Variants in CPA1 observed in about 807,000 individuals in gnomAD.
CPA1 encodes the protein carboxypeptidase A1 (pancreatic).
CPA1 carries 42 observed loss-of-function variants against 48.7 expected under a neutral mutation model. The observed-to-expected ratio is 0.86, with a 90% CI of 0.67 to 1.11. CPA1 has a LOEUF of 1.11. CPA1 is among the 50% of genes most tolerant of loss of function. CPA1 has a pLI of 0.00. For missense variants in CPA1, 477 were observed against 544.7 expected (o/e 0.88, Z 1.24); for synonymous variants, 203 against 217.9 (o/e 0.93, Z 0.60).
intron 6 of CPA1, 98 bp downstream of exon 6, chr7:130,383,892 G>T (rs1796438998): frequency 1.1e-6 from 1 of 909,640 alleles, no homozygotes; most frequent in East Asian, 2.4e-5. Context: ...CAGAAGTCAA[G>T]GGAGGGGCAA....
chr7:130,385,736 A>G (rs1164670580), intron 8 of CPA1, 103 bp from the exon 9 acceptor site: 3 of 850,416 alleles, frequency 3.5e-6, no homozygotes, highest in African/African-American at 1.7e-5. Flanking sequence ...CCACTTCTGC[A>G]GGGTGCTTCT....
chr7:130,382,274 TG>T, intron 4 of CPA1, 65 bp downstream of exon 4: 1 of 1,259,358 alleles, frequency 7.9e-7, no homozygotes. Context: ...GTGATGGGCG[TG>T]GGCTCTCCCG....
Position 130,383,451 on chromosome 7 carries a change from G to T in CPA1, c.544G>T (p.Glu182Ter). ...IWIDTGIHSR[E>*]WVTQASGVWF... ...GATCGACACGGGCATCCATTCCCGG[G>T]AGTGGGTCACCCAGGCCAGTGGGGT... is the stretch of plus-strand genomic sequence containing the variant. The change falls in exon 5 of 10, where the codon GAG becomes TAG. Residue 182 changes from glutamate to a stop codon, truncating the protein, a stop_gained. Transcript: ENST00000011292. LOFTEE classifies it high-confidence loss of function. The T allele has an allele frequency of 6.2e-7, 1 of 1,614,198 alleles. No homozygotes were observed. Among genetic ancestry groups the T allele is most frequent in the Non-Finnish European group, 8.5e-7 (1 of 1,180,042 alleles).
rs782582120 is a variant in CPA1 at position 130,384,540 on chromosome 7, G to A, written c.701G>A (p.Arg234His). The change falls in exon 7 of 10, where the codon CGC becomes CAC. Residue 234 changes from arginine to histidine, a missense_variant. Coordinates refer to ENST00000011292, the MANE Select transcript of CPA1 (RefSeq NM_001868.4). ...TGATCCCATTTCCTTCCTCAGAATC[G>A]CATGTGGCGCAAGACTCGGTCCCAC... is the stretch of plus-strand genomic sequence containing the variant. Reference protein sequence around the residue: ...DGFAFTHSTNRMWRKTRSHTA... With the variant: ...DGFAFTHSTNHMWRKTRSHTA... 8 of 1,614,054 alleles carry A rather than the reference G, an allele frequency of 5.0e-6. No homozygotes were observed. Among genetic ancestry groups the A allele is most frequent in the Non-Finnish European group, 6.8e-6 (8 of 1,179,942 alleles).
chr7:130,385,061 ACCC>A, intron 7 of CPA1, 82 bp from the exon 8 acceptor site: 1 of 1,375,502 alleles, frequency 7.3e-7, no homozygotes, highest in Non-Finnish European at 1.0e-6. Flanking sequence ...ATACCACCTC[ACCC>A]CCAACTCCAT....
At chr7:130,380,625 T>C in intron 1 of CPA1, 40 bp downstream of exon 1, 4 of 1,146,904 alleles carry the variant, frequency 3.5e-6, no homozygotes, top group Non-Finnish European at 4.6e-6. Context: ...CTGAGGGTGA[T>C]GGGGAGGACT....
In CPA1 at chr7:130,383,374, C is replaced by A; in HGVS notation, c.484-17C>A. The stretch of plus-strand genomic sequence containing the variant: ...GCTGTGAAATTGCCTCTGATCACTC[C>A]CCTGCCTCCTCTCCAGTTCAGCACG... On this transcript the variant is annotated splice_polypyrimidine_tract_variant and intron_variant, in intron 4 of 9. Transcript: ENST00000011292. 1.2e-6 allele frequency: 2 copies of A among 1,609,774 alleles called. No individual in the cohort carries two copies. Among genetic ancestry groups the A allele is most frequent in the South Asian group, 2.2e-5 (2 of 90,562 alleles).
intron 9 of CPA1, among the ~76,000 whole-genome samples, chr7:130,386,571 C>T (rs992081909): frequency 2.0e-5 from 3 of 152,062 alleles, no homozygotes; most frequent in Admixed American, 6.6e-5. Context: ...TCCAGTGCCC[C>T]TCAATTAGAC....
chr7:130,385,692 A>T, intron 8 of CPA1, 147 bp from the exon 9 acceptor site: 1 of 655,036 alleles, frequency 1.5e-6, no homozygotes, highest in Non-Finnish European at 2.7e-6. Context: ...CTGAGCTTCC[A>T]GGCTAAGCAG....
chr7:130,385,105 G>A (rs782718443), intron 7 of CPA1, 41 bp from the exon 8 acceptor site: 2 of 1,597,194 alleles, frequency 1.3e-6, no homozygotes, highest in Non-Finnish European at 1.7e-6. Flanking sequence ...AGCCACAGAA[G>A]CTGGAGGAGC....
chr7:130,382,844 C>A (rs782163635), intron 4 of CPA1, among the ~76,000 whole-genome samples: 8 of 151,446 alleles, frequency 5.3e-5, no homozygotes, highest in Admixed American at 3.3e-4. Context: ...AGGGTTTCAC[C>A]GTATTAGCCA....
intron 3 of CPA1, 109 bp downstream of exon 3, chr7:130,381,972 C>T (rs1796412481): frequency 4.1e-6 from 5 of 1,212,782 alleles, no homozygotes; most frequent in East Asian, 2.5e-5. Flanking sequence ...GCAGCGCCTG[C>T]TCTGTTTCCA....
chr7:130,383,079 C>G (rs948263428), intron 4 of CPA1, among the ~76,000 whole-genome samples: 1 of 152,230 alleles, frequency 6.6e-6, no homozygotes, highest in Non-Finnish European at 1.5e-5. Flanking sequence ...CCACGCCCAA[C>G]CCAGATAAAG....
chr7:130,382,761 A>C (rs1393590940), intron 4 of CPA1, among the ~76,000 whole-genome samples: 6 of 149,520 alleles, frequency 4.0e-5, no homozygotes, highest in Non-Finnish European at 8.8e-5. Context: ...CCCCTGCCTC[A>C]GCCTCCCAAG....
Position 130,388,053 on chromosome 7 carries a change from A to T in CPA1, c.*42A>T, listed in dbSNP as rs369479305. The stretch of plus-strand genomic sequence containing the variant: ...CCTTCTTGTCCTCCTCTCTGGCCCC[A>T]TCCAGGCAACCAAATAAAGTTTGAG... On this transcript the variant is annotated 3_prime_UTR_variant, in exon 10 of 10. Coordinates refer to ENST00000011292, the MANE Select transcript of CPA1 (RefSeq NM_001868.4). The T allele has an allele frequency of 4.4e-6, 7 of 1,590,500 alleles. No homozygotes were observed. Among genetic ancestry groups the T allele is most frequent in the Non-Finnish European group, 6.0e-6 (7 of 1,161,406 alleles).
chr7:130,384,331 C>T (rs1451229786), intron 6 of CPA1: 12 of 589,594 alleles, frequency 2.0e-5, no homozygotes, highest in East Asian at 1.4e-4. Context: ...TCTTCCTCCC[C>T]GACAACCAGC....
chr7:130,386,254 A>G (rs1161281933), intron 9 of CPA1, among the ~76,000 whole-genome samples: 1 of 151,952 alleles, frequency 6.6e-6, no homozygotes, highest in Non-Finnish European at 1.5e-5. Flanking sequence ...TCTCGGGGGC[A>G]GGGCACCGTG....
chr7:130,382,413 T>G (rs1275019916), intron 4 of CPA1, among the ~76,000 whole-genome samples: 1 of 152,138 alleles, frequency 6.6e-6, no homozygotes, highest in African/African-American at 2.4e-5. Context: ...GGTGATCCAG[T>G]GTTTCCAATC....
At chr7:130,386,424 C>T (rs1273748297) in intron 9 of CPA1, among the ~76,000 whole-genome samples, 8 of 151,848 alleles carry the variant, frequency 5.3e-5, no homozygotes, top group South Asian at 2.1e-4. Context: ...CCCAGCTACT[C>T]GGGAGGCTGA....
Sources: allele counts gnomAD v4.1 joint callset (sites outside exome capture counted in the v4.1 genomes callset), GRCh38; gene constraint gnomAD v4.1.1; transcripts MANE v1.5; gene names NCBI Gene and HGNC (gene_info 2026-07-23, HGNC 2026-07-21).